GSG1L: variants seen among roughly 807,000 people sequenced by gnomAD.
GSG1L encodes the protein GSG1 like, also known as germ cell-specific gene 1-like protein.
In GSG1L, 24 loss-of-function variants were observed where a neutral mutation model predicts 42.1. That is an observed-to-expected ratio of 0.57 (90% CI 0.41 to 0.80). GSG1L has a LOEUF of 0.80. Among genes scored for constraint, GSG1L ranks in the 30% least tolerant of loss-of-function variants. GSG1L has a pLI of 0.00. For synonymous variants in GSG1L, 215 were observed against 203.5 expected, an observed-to-expected ratio of 1.06 and a Z score of -0.48; for missense variants, 445 against 472.2, an observed-to-expected ratio of 0.94 and a Z score of 0.53.
intron 1 of GSG1L, among the ~76,000 whole-genome samples, chr16:28,007,386 C>T (rs1466147179): frequency 6.6e-6 from 1 of 152,188 alleles, no homozygotes. Flanking sequence ...AAACCTCCTC[C>T]CTGAAGCCCC....
In GSG1L at chr16:27,979,967, T is replaced by C. The variant is rs1019473136; in HGVS notation, c.350-16764A>G. ...GCTGCCCTGTGCTTGGCTCCATAAATAAGAGCTTTTTAAAAATTCTTTCCC... is the reference window on the plus strand; with the variant it reads ...GCTGCCCTGTGCTTGGCTCCATAAACAAGAGCTTTTTAAAAATTCTTTCCC... On this transcript the variant is annotated intron_variant, in intron 1 of 6. Transcript: ENST00000447459. Among the ~76,000 whole-genome samples the C allele has an allele frequency of 3.3e-5, 5 of 152,180 alleles. No homozygotes were observed. The East Asian group carries it at 7.7e-4, about 24-fold the overall frequency.
At chr16:27,963,340 G>A in intron 1 of GSG1L, 137 bp from the exon 2 acceptor site, 2 of 740,934 alleles carry the variant, frequency 2.7e-6, no homozygotes, top group South Asian at 1.6e-5. Context: ...TCCAACCCTG[G>A]TTCCTAGAAG....
At chr16:27,828,701 T>C in intron 5 of GSG1L, 88 bp downstream of exon 5, 2 of 1,344,776 alleles carry the variant, frequency 1.5e-6, no homozygotes, top group Admixed American at 4.1e-5. Flanking sequence ...TTCATTCCAG[T>C]TTTTGACTGG....
At chr16:28,031,573 G>C (rs888623419) in intron 1 of GSG1L, among the ~76,000 whole-genome samples, 1 of 152,168 alleles carries the variant, frequency 6.6e-6, no homozygotes, top group African/African-American at 2.4e-5. Context: ...GGGTGTCCAA[G>C]AGCTTGAGGC....
At chr16:28,057,673 A>T (rs2086294279) in intron 1 of GSG1L, among the ~76,000 whole-genome samples, 1 of 151,286 alleles carries the variant, frequency 6.6e-6, no homozygotes, top group Non-Finnish European at 1.5e-5. Context: ...GTCAGATGGC[A>T]GCAAGTCCCA....
At chr16:27,812,800 T>G (rs2083047624) in intron 5 of GSG1L, among the ~76,000 whole-genome samples, 1 of 152,070 alleles carries the variant, frequency 6.6e-6, no homozygotes, top group Non-Finnish European at 1.5e-5. Context: ...TTTATTTATT[T>G]ATTTTTGAGA....
At chr16:27,988,535 T>TA (rs1039427586) in intron 1 of GSG1L, among the ~76,000 whole-genome samples, 16 of 152,144 alleles carry the variant, frequency 1.1e-4, no homozygotes, top group African/African-American at 3.4e-4. Context: ...AAAAGTCTTA[T>TA]AAGCAGTTAT....
At chr16:27,815,727 A>AG (rs2083087375) in intron 5 of GSG1L, among the ~76,000 whole-genome samples, 2 of 152,188 alleles carry the variant, frequency 1.3e-5, no homozygotes, top group African/African-American at 2.4e-5. Flanking sequence ...TAATATACCT[A>AG]TTCTTCTGGT....
At chr16:27,906,719 C>T (rs2084324842) in intron 2 of GSG1L, among the ~76,000 whole-genome samples, 1 of 152,196 alleles carries the variant, frequency 6.6e-6, no homozygotes. Flanking sequence ...TCTCCCCTGG[C>T]CACGCCCCAT....
At chr16:27,851,924 A>G (rs1256186716) in intron 3 of GSG1L, among the ~76,000 whole-genome samples, 2 of 152,278 alleles carry the variant, frequency 1.3e-5, no homozygotes, top group East Asian at 3.9e-4. Flanking sequence ...GACCCCTCCC[A>G]AGGGGTCTCC....
At position 27,815,975 on chromosome 16, in the gene GSG1L, A is replaced by C. The variant is rs35140907; in HGVS notation, c.831-8421T>G. On this transcript the variant is annotated intron_variant, in intron 5 of 6. Coordinates refer to ENST00000447459, the MANE Select transcript of GSG1L (RefSeq NM_001109763.2). The stretch of plus-strand genomic sequence containing the variant: ...CGACACCCTCTCTCAAATAAATAAA[A>C]CAATAAATAAATGTAAAGCTCAAGC... Among the ~76,000 whole-genome samples the C allele has an allele frequency of 7.2e-5, 11 of 152,314 alleles. No individual in the cohort carries two copies. In the East Asian group the frequency reaches 1.5e-3, roughly 21 times the overall value.
intron 1 of GSG1L, among the ~76,000 whole-genome samples, chr16:28,056,020 G>A (rs192415295): frequency 2.0e-5 from 3 of 151,978 alleles, no homozygotes; most frequent in African/African-American, 7.3e-5. Context: ...CATCTGACAA[G>A]TCCACGGGAA....
At chr16:28,034,028 C>T (rs1209129060) in intron 1 of GSG1L, among the ~76,000 whole-genome samples, 1 of 152,190 alleles carries the variant, frequency 6.6e-6, no homozygotes, top group East Asian at 1.9e-4. Flanking sequence ...CACAGGGTTC[C>T]CATGCAGGAC....
chr16:27,989,667 G>A (rs1226099537), intron 1 of GSG1L, among the ~76,000 whole-genome samples: 1 of 151,504 alleles, frequency 6.6e-6, no homozygotes, highest in African/African-American at 2.4e-5. Flanking sequence ...TTGAACCCAG[G>A]ATGCAGAGGT....
At position 28,063,392 on chromosome 16, in the gene GSG1L, C is replaced by CAGG; in HGVS notation, c.30_32dup (p.Leu11dup). The CAGG allele has an allele frequency of 7.4e-7, 1 of 1,351,740 alleles. No individual in the cohort carries two copies. Among genetic ancestry groups the CAGG allele is most frequent in the Non-Finnish European group, 9.6e-7 (1 of 1,042,716 alleles). The allele number at this position is 1,351,740 out of a possible 1,614,324, so 83.7% of individuals were successfully genotyped here. ...GCGCCAGCAGGTTCAGGGCCACGGCCAGGAGCGCTCGGCCGCGGCGGCTAG... is the reference window on the plus strand; with the variant it reads ...GCGCCAGCAGGTTCAGGGCCACGGCCAGGAGGAGCGCTCGGCCGCGGCGGCTAG... On this transcript the variant is annotated inframe_insertion, in exon 1 of 7. Coordinates refer to ENST00000447459, the MANE Select transcript of GSG1L (RefSeq NM_001109763.2). This position sits in a 1 kb window ranked among gnomAD's most constrained non-coding sequence, Gnocchi z 5.8.
chr16:27,825,612 GCTTGTGTCA>G (rs1489789897), intron 5 of GSG1L, among the ~76,000 whole-genome samples: 2 of 152,182 alleles, frequency 1.3e-5, no homozygotes, highest in Non-Finnish European at 1.5e-5. Flanking sequence ...AGTGAGCTGT[GCTTGTGTCA>G]CTGTACTCAG....
intron 2 of GSG1L, among the ~76,000 whole-genome samples, chr16:27,952,558 G>T (rs1369265507): frequency 6.6e-6 from 1 of 152,190 alleles, no homozygotes; most frequent in Admixed American, 6.5e-5. Flanking sequence ...AGAGCATCAG[G>T]ACTGGAGCAC....
At chr16:27,819,444 C>T (rs955264880) in intron 5 of GSG1L, among the ~76,000 whole-genome samples, 6 of 152,166 alleles carry the variant, frequency 3.9e-5, no homozygotes, top group Non-Finnish European at 5.9e-5. Context: ...GCCGTACCGA[C>T]AGCACGAAAC....
At chr16:27,871,923 CT>C (rs1253145363) in intron 3 of GSG1L, among the ~76,000 whole-genome samples, 3 of 152,084 alleles carry the variant, frequency 2.0e-5, no homozygotes, top group Non-Finnish European at 4.4e-5. Flanking sequence ...CATGGGGTTT[CT>C]TTTTGGGGTG....
Sources: gnomAD v4.1 joint callset for allele counts (sites outside exome capture counted in the v4.1 genomes callset) on GRCh38, gnomAD v4.1.1 for gene constraint, Gnocchi (gnomAD v3.1) non-coding constraint, MANE v1.5 for transcripts, NCBI Gene and HGNC (gene_info 2026-07-23, HGNC 2026-07-21) for gene names.